Variants in ABLIM3 observed in about 807,000 individuals in gnomAD.
The protein encoded by ABLIM3 is actin-binding LIM protein 3.
Under a neutral mutation model 109.5 loss-of-function variants are expected in ABLIM3, and 61 were observed. That is an observed-to-expected ratio of 0.56 (90% CI 0.45 to 0.69). The LOEUF (loss-of-function observed/expected upper bound fraction) is 0.69, where lower values mean the gene tolerates loss of function less well. ABLIM3 is among the 30% of genes least tolerant of loss of function. The probability of loss-of-function intolerance (pLI) is 0.00; values close to 1 mark genes in which losing one functional copy is unlikely to be tolerated. For synonymous variants in ABLIM3, 300 were observed against 324.8 expected (o/e 0.92, Z 0.82); for missense variants, 796 against 889.5 (o/e 0.89, Z 1.34).
At chr5:149,210,046 C>T (rs1759386499) in intron 6 of ABLIM3, among the ~76,000 whole-genome samples, 1 of 152,216 alleles carries the variant, frequency 6.6e-6, no homozygotes, top group African/African-American at 2.4e-5. Context: ...AAGCTAAGCT[C>T]TCCGATGCCC....
At chr5:149,192,504 T>C (rs6580600) in intron 3 of ABLIM3, among the ~76,000 whole-genome samples, 48,805 of 151,464 alleles carry the variant, frequency 0.32, 8,075 homozygotes, top group East Asian at 0.52. Flanking sequence ...GGGGCGCCTG[T>C]AGTCCCAGCT....
rs1003781998 is a variant in ABLIM3 at position 149,216,743 on chromosome 5, T to C, written c.670-216T>C. The stretch of plus-strand genomic sequence containing the variant: ...ATAGAAGAGCAGGTATTCAGGGAAG[T>C]CCCCTGAACTGCCATCAGGGATCCA... On this transcript the variant is annotated intron_variant, in intron 7 of 23. Transcript: ENST00000309868. The C allele has an allele frequency of 1.9e-5, 10 of 539,290 alleles. No homozygotes were observed. In the East Asian group the frequency reaches 2.9e-4, roughly 16 times the overall value. The allele number at this position is 539,290 out of a possible 1,614,324, so 33.4% of individuals were successfully genotyped here.
At chr5:149,252,987 A>G (rs925645303) in intron 23 of ABLIM3, 150 bp downstream of exon 23, 6 of 599,990 alleles carry the variant, frequency 1.0e-5, no homozygotes, top group African/African-American at 7.5e-5. Context: ...CAATTTCCTC[A>G]GCCCAAAACT....
intron 2 of ABLIM3, among the ~76,000 whole-genome samples, chr5:149,157,843 AG>A (rs1753987534): frequency 6.6e-6 from 1 of 152,140 alleles, no homozygotes; most frequent in African/African-American, 2.4e-5. Flanking sequence ...CTCAGACCCC[AG>A]ACTTCCCAGT....
chr5:149,182,279 G>T (rs1167903855), intron 2 of ABLIM3, among the ~76,000 whole-genome samples: 1 of 152,138 alleles, frequency 6.6e-6, no homozygotes, highest in African/African-American at 2.4e-5. Flanking sequence ...CCTTCAATCA[G>T]GTGGTTATCT....
In ABLIM3 at chr5:149,217,021, C is replaced by T. The variant is rs561600515; in HGVS notation, c.732C>T (p.Thr244=). ...ARCVRCHQMF[T]EGEEMYLTGS... ...GTGTACGCTGCCACCAGATGTTCAC[C>T]GAAGGAGAGGAAATGTACCTCACAG... Residue 244 remains threonine, a synonymous_variant, in exon 8 of 24, where the codon ACC becomes ACT. Coordinates refer to ENST00000309868, the MANE Select transcript of ABLIM3 (RefSeq NM_014945.5). 50 of 1,614,170 alleles carry T rather than the reference C, an allele frequency of 3.1e-5. No individual in the cohort carries two copies. In the East Asian group the frequency reaches 6.7e-4, roughly 22 times the overall value.
chr5:149,222,080 A>G (rs1760706102), intron 8 of ABLIM3, among the ~76,000 whole-genome samples: 1 of 151,708 alleles, frequency 6.6e-6, no homozygotes, highest in Non-Finnish European at 1.5e-5. Flanking sequence ...ATAACAAATT[A>G]TAGGTCTCAC....
At chr5:149,205,308 A>C (rs1304949906) in intron 5 of ABLIM3, among the ~76,000 whole-genome samples, 1 of 152,148 alleles carries the variant, frequency 6.6e-6, no homozygotes, top group African/African-American at 2.4e-5. Flanking sequence ...TAAACTGCCC[A>C]CTACTGGAGG....
At chr5:149,246,776 C>T (rs1320177388) in intron 17 of ABLIM3, among the ~76,000 whole-genome samples, 1 of 152,226 alleles carries the variant, frequency 6.6e-6, no homozygotes, top group Non-Finnish European at 1.5e-5. Context: ...TGGGGCTTGC[C>T]TCTGCATTGG....
rs964725864 is a variant in ABLIM3, at chr5:149,251,293, G to A, written c.1789-66G>A. 8.2e-6 allele frequency: 13 copies of A among 1,586,976 alleles called. No homozygotes were observed. In the African/African-American group the frequency reaches 1.6e-4, roughly 20 times the overall value. On this transcript the variant is annotated intron_variant, in intron 20 of 23. Transcript: ENST00000309868. ...GCGCCAGTCCATTTTCTGGAGGTGG[G>A]TGAGTGCTTCAGGGAGGCAGAGGTG...
chr5:149,185,407 C>T (rs1184880044), intron 3 of ABLIM3, among the ~76,000 whole-genome samples: 1 of 152,138 alleles, frequency 6.6e-6, no homozygotes, highest in African/African-American at 2.4e-5. Flanking sequence ...TAGGTAAGAC[C>T]TTTTCAACCC....
chr5:149,167,330 T>C (rs2127455064), intron 2 of ABLIM3, among the ~76,000 whole-genome samples: 1 of 152,286 alleles, frequency 6.6e-6, no homozygotes, highest in African/African-American at 2.4e-5. Context: ...TTAAAAAATA[T>C]CTGATATGAT....
chr5:149,148,611 C>T (rs900920918), intron 2 of ABLIM3, among the ~76,000 whole-genome samples: 89 of 152,292 alleles, frequency 5.8e-4, no homozygotes, highest in African/African-American at 2.0e-3. Context: ...CGGCCGCATC[C>T]CTACTCTGTA....
At chr5:149,188,925 A>G (rs76765387) in intron 3 of ABLIM3, among the ~76,000 whole-genome samples, 5,783 of 152,334 alleles carry the variant, frequency 0.038, 336 homozygotes, top group African/African-American at 0.13. Flanking sequence ...ATCTTTAAAA[A>G]GAACGAAGTT....
intron 2 of ABLIM3, among the ~76,000 whole-genome samples, chr5:149,168,801 T>C (rs1755070738): frequency 6.6e-6 from 1 of 152,234 alleles, no homozygotes; most frequent in East Asian, 1.9e-4. Flanking sequence ...TCAAGATTTC[T>C]AAAATTCTGT....
intron 2 of ABLIM3, chr5:149,164,076 G>A: frequency 6.6e-6 from 1 of 152,242 alleles, no homozygotes; most frequent in Non-Finnish European, 1.5e-5. Context: ...GTTATATGTA[G>A]TAAAAGTTGC....
chr5:149,191,572 C>G (rs765917065), intron 3 of ABLIM3, among the ~76,000 whole-genome samples: 2 of 151,422 alleles, frequency 1.3e-5, no homozygotes, highest in Non-Finnish European at 2.9e-5. Context: ...CTCATTTGAG[C>G]CAGCACAATA....
intron 8 of ABLIM3, chr5:149,219,167 T>G (rs969575937): frequency 6.6e-6 from 1 of 152,200 alleles, no homozygotes; most frequent in African/African-American, 2.4e-5. Flanking sequence ...TCCTGTGCAT[T>G]GTAGGGTATT....
chr5:149,195,874 G>T (rs189826141), intron 3 of ABLIM3, among the ~76,000 whole-genome samples: 2 of 152,306 alleles, frequency 1.3e-5, no homozygotes, highest in Admixed American at 1.3e-4. Flanking sequence ...TCTTCGTAGG[G>T]GTGGGGTCGG....
Sources: allele counts gnomAD v4.1 joint callset (sites outside exome capture counted in the v4.1 genomes callset), GRCh38; gene constraint gnomAD v4.1.1; transcripts MANE v1.5; gene names NCBI Gene and HGNC (gene_info 2026-07-23, HGNC 2026-07-21).